Variants in EVI5 observed in about 807,000 individuals in gnomAD.
EVI5 encodes ecotropic viral integration site 5.
Under a neutral mutation model 112.0 loss-of-function variants are expected in EVI5, and 73 were observed. The observed-to-expected ratio is 0.65, with a 90% CI of 0.54 to 0.79. EVI5 has a LOEUF of 0.79. EVI5 is among the 30% of genes least tolerant of loss of function. The pLI is 0.00. For synonymous variants in EVI5, 305 were observed against 319.9 expected (o/e 0.95, Z 0.50); for missense variants, 900 against 968.8 (o/e 0.93, Z 0.94).
At chr1:92,629,457 G>T (rs1299264872) in intron 14 of EVI5, among the ~76,000 whole-genome samples, 1 of 152,138 alleles carries the variant, frequency 6.6e-6, no homozygotes, top group Non-Finnish European at 1.5e-5. Context: ...TTGTAATCTA[G>T]AACTTTTAAA....
intron 9 of EVI5, among the ~76,000 whole-genome samples, chr1:92,691,730 G>A (rs560612130): frequency 9.2e-5 from 14 of 152,056 alleles, no homozygotes; most frequent in African/African-American, 2.7e-4. Flanking sequence ...GTAACATCAC[G>A]TATTCTGAAT....
intron 2 of EVI5, among the ~76,000 whole-genome samples, chr1:92,727,595 T>C (rs1675767577): frequency 6.6e-6 from 1 of 152,150 alleles, no homozygotes; most frequent in African/African-American, 2.4e-5. Flanking sequence ...AATGTAAATG[T>C]GAGCAAAAAA....
chr1:92,634,728 G>A (rs1217613053), intron 14 of EVI5, among the ~76,000 whole-genome samples: 1 of 152,218 alleles, frequency 6.6e-6, no homozygotes, highest in Non-Finnish European at 1.5e-5. Context: ...GTGAGGAGCT[G>A]CGTTCCTTTA....
At chr1:92,577,505 A>G (rs536637367) in intron 18 of EVI5, among the ~76,000 whole-genome samples, 1 of 152,348 alleles carries the variant, frequency 6.6e-6, no homozygotes, top group Non-Finnish European at 1.5e-5. Flanking sequence ...TGGTTAGTGA[A>G]TGCTTCATAA....
intron 18 of EVI5, among the ~76,000 whole-genome samples, chr1:92,567,111 C>T (rs1421737453): frequency 6.6e-6 from 1 of 152,024 alleles, no homozygotes; most frequent in Non-Finnish European, 1.5e-5. Flanking sequence ...CACGCTCGGC[C>T]ATGTGCCTAA....
At chr1:92,590,277 C>T (rs542936824) in intron 18 of EVI5, among the ~76,000 whole-genome samples, 8 of 152,214 alleles carry the variant, frequency 5.3e-5, no homozygotes, top group East Asian at 1.9e-4. Flanking sequence ...ATGACTTTGA[C>T]GAGTTGAGAG....
At chr1:92,619,676 T>C (rs570876918) in intron 16 of EVI5, among the ~76,000 whole-genome samples, 2 of 151,770 alleles carry the variant, frequency 1.3e-5, no homozygotes, top group South Asian at 4.2e-4. Context: ...TCCTAGCACT[T>C]TGGGGAGGCT....
chr1:92,637,926 G>A (rs943875319), intron 13 of EVI5, among the ~76,000 whole-genome samples: 5 of 152,026 alleles, frequency 3.3e-5, no homozygotes, highest in Admixed American at 6.6e-5. Context: ...ATTTCAATAC[G>A]AGAAGTGCAT....
intron 1 of EVI5, chr1:92,749,206 C>G (rs1679815683): frequency 3.1e-6 from 1 of 321,098 alleles, no homozygotes; most frequent in East Asian, 1.3e-4. Context: ...AGAGGGCACA[C>G]TCTTGCAAGC....
At chr1:92,781,886 T>C (rs564665814) in intron 1 of EVI5, among the ~76,000 whole-genome samples, 1 of 135,978 alleles carries the variant, frequency 7.4e-6, no homozygotes, top group Non-Finnish European at 1.5e-5. Context: ...TCTTGGGAGA[T>C]CAAGATTGCA....
chr1:92,686,994 C>T (rs1014473578), intron 9 of EVI5, among the ~76,000 whole-genome samples: 1 of 152,172 alleles, frequency 6.6e-6, no homozygotes, highest in Non-Finnish European at 1.5e-5. Flanking sequence ...AATGCCATCC[C>T]CATCAAGCTA....
At chr1:92,575,021 G>T (rs1670839536) in intron 18 of EVI5, among the ~76,000 whole-genome samples, 1 of 152,162 alleles carries the variant, frequency 6.6e-6, no homozygotes, top group Non-Finnish European at 1.5e-5. Flanking sequence ...CCTAGTTAGT[G>T]TATCAGATGC....
rs148621013 is a variant in EVI5 at position 92,645,110 on chromosome 1, T to G, written c.1393-8774A>C. Among the ~76,000 whole-genome samples the G allele has an allele frequency of 1.1e-3, 175 of 152,340 alleles. 1 individual carries two copies. The highest frequency in any genetic ancestry group is 4.1e-3 in the African/African-American group (170 of 41,594). On this transcript the variant is annotated intron_variant, in intron 13 of 19. Transcript: ENST00000684568. ...AGGGATGTCGAAGACCTGAACTTGT[T>G]CACTCTACCTTTCAGTTCTATCAGT... is the stretch of plus-strand genomic sequence containing the variant.
At chr1:92,595,834 C>G (rs926116577) in intron 18 of EVI5, among the ~76,000 whole-genome samples, 2 of 152,160 alleles carry the variant, frequency 1.3e-5, no homozygotes, top group East Asian at 3.8e-4. Context: ...AAGTAATGAA[C>G]AGGGAACTAA....
At chr1:92,628,933 C>T (rs1189280697) in intron 14 of EVI5, among the ~76,000 whole-genome samples, 5 of 152,184 alleles carry the variant, frequency 3.3e-5, no homozygotes, top group Non-Finnish European at 7.3e-5. Context: ...AAAGAGGATG[C>T]TGCAGGAAGA....
At chr1:92,600,288 G>A (rs1287592941) in intron 18 of EVI5, among the ~76,000 whole-genome samples, 1 of 152,174 alleles carries the variant, frequency 6.6e-6, no homozygotes, top group East Asian at 1.9e-4. Flanking sequence ...TGTCATAAAA[G>A]TCAGGATAGG....
In EVI5 at chr1:92,509,995, GA is replaced by G. The variant is rs1319356556; in HGVS notation, c.*3660del. 1.3e-5 allele frequency: 2 copies of G among 152,182 alleles called. No homozygotes were observed. The allele number at this position is 152,182 out of a possible 1,614,324, so 9.4% of individuals were successfully genotyped here. ...ACAACATACTTACATTAATTTGAATGAAAAGGAGTCAAACCAAGGCATAATA... is the reference window on the plus strand; with the variant it reads ...ACAACATACTTACATTAATTTGAATGAAAGGAGTCAAACCAAGGCATAATA... On this transcript the variant is annotated 3_prime_UTR_variant, in exon 20 of 20. Coordinates refer to ENST00000684568, the MANE Select transcript of EVI5 (RefSeq NM_001350197.2).
intron 19 of EVI5, among the ~76,000 whole-genome samples, chr1:92,557,858 G>C (rs1311505819): frequency 6.6e-6 from 1 of 151,618 alleles, no homozygotes; most frequent in Non-Finnish European, 1.5e-5. Context: ...CCAAGTAGCT[G>C]GGACTACAGG....
intron 1 of EVI5, among the ~76,000 whole-genome samples, chr1:92,742,402 G>A (rs1341075088): frequency 6.6e-6 from 1 of 151,982 alleles, no homozygotes; most frequent in Non-Finnish European, 1.5e-5. Context: ...GCCAGGCATG[G>A]TAGCTCATGC....
Sources: allele counts gnomAD v4.1 joint callset (sites outside exome capture counted in the v4.1 genomes callset), GRCh38; gene constraint gnomAD v4.1.1; transcripts MANE v1.5; gene names NCBI Gene and HGNC (gene_info 2026-07-23, HGNC 2026-07-21).